POLR1D: variants seen among roughly 807,000 people sequenced by gnomAD.
POLR1D encodes RNA polymerase I and III subunit D.
POLR1D carries 8 observed loss-of-function variants against 10.8 expected under a neutral mutation model. The ratio of observed to expected loss-of-function variants is 0.74; its 90% CI spans 0.43 to 1.33. The LOEUF (loss-of-function observed/expected upper bound fraction) is 1.33. POLR1D is among the 40% of genes most tolerant of loss of function. POLR1D has a pLI of 0.01. For missense variants in POLR1D, 152 were observed against 161.7 expected (o/e 0.94, Z 0.32); for synonymous variants, 54 against 57.2 (o/e 0.94, Z 0.25).
intron 1 of POLR1D, among the ~76,000 whole-genome samples, chr13:27,634,300 G>T (rs372347291): frequency 1.3e-5 from 2 of 152,290 alleles, no homozygotes; most frequent in East Asian, 3.9e-4. Flanking sequence ...TAGCTTACAG[G>T]TGTGTCACTG....
chr13:27,643,335 T>C (rs1956192227), intron 1 of POLR1D, among the ~76,000 whole-genome samples: 2 of 152,220 alleles, frequency 1.3e-5, no homozygotes. Context: ...TTTTACCTTG[T>C]CTTTAAAAAC....
At chr13:27,636,844 C>A (rs553476735) in intron 1 of POLR1D, among the ~76,000 whole-genome samples, 1 of 152,318 alleles carries the variant, frequency 6.6e-6, no homozygotes, top group Non-Finnish European at 1.5e-5. Flanking sequence ...GCTGCAGCTG[C>A]TGTTCCATCC....
chr13:27,631,365 T>C (rs1956071627), intron 1 of POLR1D, among the ~76,000 whole-genome samples: 1 of 152,170 alleles, frequency 6.6e-6, no homozygotes, highest in African/African-American at 2.4e-5. Context: ...CAGAAGCCAG[T>C]CTTTTTATGC....
intron 2 of POLR1D, chr13:27,651,518 T>C (rs1330420006): frequency 6.6e-6 from 1 of 152,188 alleles, no homozygotes; most frequent in African/African-American, 2.4e-5. Flanking sequence ...CTGATATATT[T>C]ATGGATGAAA....
chr13:27,649,972 C>T (rs368886433), intron 2 of POLR1D: 21 of 397,978 alleles, frequency 5.3e-5, no homozygotes, highest in South Asian at 1.3e-4. Context: ...CAAACTACCA[C>T]GCTTAGCTTC....
intron 1 of POLR1D, among the ~76,000 whole-genome samples, chr13:27,636,208 C>T (rs114709009): frequency 0.014 from 2,131 of 152,206 alleles, 44 homozygotes; most frequent in African/African-American, 0.047. Flanking sequence ...TAATCTGTCT[C>T]CTCATCGTTT....
At chr13:27,652,659 CAGGAGTTTGAGA>C (rs1956275970) in intron 2 of POLR1D, among the ~76,000 whole-genome samples, 1 of 148,874 alleles carries the variant, frequency 6.7e-6, no homozygotes, top group Non-Finnish European at 1.5e-5. Flanking sequence ...TCACTTGAGT[CAGGAGTTTGAGA>C]CCAGCCTCGC....
exon 3 of POLR1D, chr13:27,666,446 C>G (rs1395206211): frequency 1.3e-5 from 2 of 153,874 alleles, no homozygotes; most frequent in African/African-American, 4.8e-5. Flanking sequence ...TCTTTGATAG[C>G]TCTGCATTTG....
At chr13:27,655,374 G>A (rs569944894) in intron 2 of POLR1D, among the ~76,000 whole-genome samples, 1 of 152,116 alleles carries the variant, frequency 6.6e-6, no homozygotes, top group Non-Finnish European at 1.5e-5. Context: ...TAACCACATT[G>A]TAATTACCAT....
At chr13:27,640,566 C>G (rs887329716) in intron 1 of POLR1D, among the ~76,000 whole-genome samples, 1 of 152,142 alleles carries the variant, frequency 6.6e-6, no homozygotes, top group Non-Finnish European at 1.5e-5. Context: ...GTTCATGACT[C>G]TGAAGATACT....
At chr13:27,627,234 T>G (rs759466366), downstream of POLR1D, among the ~76,000 whole-genome samples, 2 of 152,108 alleles carry the variant, frequency 1.3e-5, no homozygotes, top group Non-Finnish European at 2.9e-5. Flanking sequence ...TGCTATTTTC[T>G]TTTCCTGCTT....
intron 1 of POLR1D, among the ~76,000 whole-genome samples, chr13:27,640,591 G>A (rs150711619): frequency 2.2e-4 from 33 of 152,110 alleles, no homozygotes; most frequent in African/African-American, 6.5e-4. Context: ...ATTTAATACC[G>A]TACTTGAAAC....
downstream of POLR1D, among the ~76,000 whole-genome samples, chr13:27,628,294 G>A (rs1276743003): frequency 6.6e-6 from 1 of 152,188 alleles, no homozygotes; most frequent in African/African-American, 2.4e-5. Context: ...TGTAAATATT[G>A]AGCACATACT....
Position 27,621,934 on chromosome 13 carries a change from G to T in POLR1D, c.-50G>T. On this transcript the variant is annotated 5_prime_UTR_variant, in exon 1 of 2. Transcript: ENST00000302979. The stretch of plus-strand genomic sequence containing the variant: ...CCTCCGCGCCTCGCGCTATGGGACA[G>T]AGCCCCCGATCCGCCAGCACCACCT... 1 of 1,568,242 alleles carries T rather than the reference G, an allele frequency of 6.4e-7. No homozygotes were observed. The highest frequency in any genetic ancestry group is 8.7e-7 in the Non-Finnish European group (1 of 1,154,476).
At chr13:27,657,227 T>C (rs1257787168) in intron 2 of POLR1D, among the ~76,000 whole-genome samples, 1 of 150,958 alleles carries the variant, frequency 6.6e-6, no homozygotes, top group African/African-American at 2.4e-5. Flanking sequence ...TCTGGAGAGG[T>C]TTTTAAAAAT....
In POLR1D at chr13:27,665,640, A is replaced by C. The variant is rs200812366; in HGVS notation, c.102-46A>C. ...CGATAGTGGGTCCAGCTTTGGAGTT[A>C]ACCATTTGATTTGTGATGGTTTTTC... On this transcript the variant is annotated intron_variant, in intron 2 of 2. Coordinates refer to the POLR1D transcript ENST00000399697. The C allele has an allele frequency of 1.5e-5, 23 of 1,572,392 alleles. No individual in the cohort carries two copies. In the East Asian group the frequency reaches 5.1e-4, roughly 35 times the overall value.
chr13:27,643,449 GC>G (rs1956193317), intron 1 of POLR1D, among the ~76,000 whole-genome samples: 1 of 151,980 alleles, frequency 6.6e-6, no homozygotes, highest in African/African-American at 2.4e-5. Flanking sequence ...CTGAATTTTT[GC>G]CTGTGTCTGT....
rs181123767 is a variant in POLR1D at position 27,661,085 on chromosome 13, A to T, written c.102-4601A>T. Among the ~76,000 whole-genome samples the T allele has an allele frequency of 2.5e-3, 383 of 152,344 alleles. 1 individual carries two copies. The highest frequency in any genetic ancestry group is 8.9e-3 in the African/African-American group (368 of 41,580). On this transcript the variant is annotated intron_variant, in intron 2 of 2. Coordinates refer to the POLR1D transcript ENST00000399697. ...GAGAGACAAAAAAGATGAAAAGCTT[A>T]TAATTCTAGCCCCAGTGAGTCTTCA... is the stretch of plus-strand genomic sequence containing the variant.
At chr13:27,652,435 T>C (rs372282995) in intron 2 of POLR1D, among the ~76,000 whole-genome samples, 8 of 152,270 alleles carry the variant, frequency 5.3e-5, no homozygotes, top group Middle Eastern at 3.4e-3. Context: ...TTACACAGAG[T>C]TACTGGGGAC....
Sources: gnomAD v4.1 joint callset for allele counts (sites outside exome capture counted in the v4.1 genomes callset) on GRCh38, gnomAD v4.1.1 for gene constraint, MANE v1.5 for transcripts, NCBI Gene and HGNC (gene_info 2026-07-23, HGNC 2026-07-21) for gene names.